The following MEGF11 variants were observed in gnomAD, a reference collection of about 807,000 sequenced individuals.
The protein encoded by MEGF11 is multiple EGF like domains 11.
Under a neutral mutation model 146.6 loss-of-function variants are expected in MEGF11, and 126 were observed. That is an observed-to-expected ratio of 0.86 (90% CI 0.74 to 1.00). MEGF11 has a LOEUF of 1.00. Ranked by LOEUF, MEGF11 falls within the 50% of genes least tolerant of loss-of-function variation. The probability of loss-of-function intolerance (pLI) is 0.00; values close to 1 mark genes in which losing one functional copy is unlikely to be tolerated. For synonymous variants in MEGF11, 532 were observed against 583.4 expected (o/e 0.91, Z 1.27); for missense variants, 1,509 against 1,521.2 (o/e 0.99, Z 0.13).
chr15:65,916,265 CTG>C lies in MEGF11; in HGVS notation c.2225_2226del (p.Ala742GlyfsTer20). 6.4e-7 allele frequency: 1 copy of C among 1,555,610 alleles called. No individual in the cohort carries two copies. Among genetic ancestry groups the C allele is most frequent in the Non-Finnish European group, 8.7e-7 (1 of 1,149,428 alleles). On this transcript the variant is annotated frameshift_variant, in exon 18 of 26. Coordinates refer to ENST00000395614, the MANE Select transcript of MEGF11 (RefSeq NM_001385028.1). LOFTEE classifies it high-confidence loss of function. ...CGCCCACAGTCCTTCCCAAAAAATG[CTG>C]CTGGGCAGCCTAGAGAAACAGGATT... Reference protein sequence around the residue: ...TGLFCTQRCPAAFFGKDCGRV... With the variant: ...TGLFCTQRCPXAFFGKDCGRV...
At chr15:66,214,847 T>G (rs910382626) in intron 1 of MEGF11, among the ~76,000 whole-genome samples, 1 of 151,560 alleles carries the variant, frequency 6.6e-6, no homozygotes, top group East Asian at 1.9e-4. Context: ...AGCTCAGAGC[T>G]GGAGAGAAAT....
chr15:66,086,640 C>T (rs1368996774), intron 5 of MEGF11, among the ~76,000 whole-genome samples: 1 of 152,212 alleles, frequency 6.6e-6, no homozygotes, highest in Admixed American at 6.5e-5. Flanking sequence ...CAAGCCACCA[C>T]TACAAGAACT....
intron 5 of MEGF11, among the ~76,000 whole-genome samples, chr15:66,050,002 G>A (rs1185693197): frequency 2.6e-5 from 4 of 152,238 alleles, no homozygotes; most frequent in Admixed American, 2.6e-4. Flanking sequence ...TGAGGATACA[G>A]TCAAGAATTA....
intron 10 of MEGF11, among the ~76,000 whole-genome samples, chr15:65,932,188 C>T (rs547755589): frequency 5.0e-4 from 76 of 152,270 alleles, no homozygotes; most frequent in Non-Finnish European, 9.6e-4. Context: ...TGAGATGACC[C>T]CTGGAGTTGT....
At chr15:66,238,910 C>T (rs1019062569) in intron 1 of MEGF11, among the ~76,000 whole-genome samples, 6 of 152,046 alleles carry the variant, frequency 3.9e-5, no homozygotes, top group Admixed American at 6.5e-5. Context: ...GCTTCCTCCA[C>T]GAGAATGGAA....
intron 5 of MEGF11, among the ~76,000 whole-genome samples, chr15:66,063,183 T>C (rs763730797): frequency 1.3e-5 from 2 of 152,202 alleles, no homozygotes; most frequent in Non-Finnish European, 2.9e-5. Flanking sequence ...CCTAGACAAA[T>C]TGATACTTTT....
intron 7 of MEGF11, among the ~76,000 whole-genome samples, chr15:65,974,474 G>C (rs1055887189): frequency 6.6e-6 from 1 of 152,234 alleles, no homozygotes; most frequent in Admixed American, 6.5e-5. Context: ...CCTGGCCAGC[G>C]AGGTGAAACT....
intron 4 of MEGF11, among the ~76,000 whole-genome samples, chr15:66,107,061 C>A (rs958580932): frequency 2.3e-5 from 2 of 88,474 alleles, no homozygotes; most frequent in Non-Finnish European, 4.8e-5. Flanking sequence ...CCTACCCCCC[C>A]ACCAGGTATA....
In MEGF11 at chr15:65,917,636, A is replaced by C. The variant is rs555236914; in HGVS notation, c.2086+330T>G. 7.2e-5 allele frequency among the ~76,000 whole-genome samples: 11 copies of C among 152,214 alleles called. No homozygotes were observed. The East Asian group carries it at 1.5e-3, about 21-fold the overall frequency. On this transcript the variant is annotated intron_variant, in intron 16 of 25. Transcript: ENST00000395614. ...GGCCTCATCTCACTTCCCTACTCCC[A>C]AACTCGAGCATGCTGTTGCACCACC...
At chr15:66,020,682 C>T (rs1374062513) in intron 5 of MEGF11, among the ~76,000 whole-genome samples, 2 of 152,130 alleles carry the variant, frequency 1.3e-5, no homozygotes, top group Non-Finnish European at 2.9e-5. Flanking sequence ...TCCCTCACTC[C>T]TGGAGATATC....
intron 1 of MEGF11, among the ~76,000 whole-genome samples, chr15:66,252,294 G>T (rs1295436769): frequency 6.6e-6 from 1 of 151,428 alleles, no homozygotes; most frequent in Non-Finnish European, 1.5e-5. Flanking sequence ...CCGGAGGGGC[G>T]CTGGTGCCGG....
chr15:66,184,234 C>T (rs1166199404), intron 1 of MEGF11, among the ~76,000 whole-genome samples: 1 of 151,988 alleles, frequency 6.6e-6, no homozygotes, highest in Non-Finnish European at 1.5e-5. Context: ...TCAATTATAC[C>T]TCCACAAAAC....
chr15:66,041,556 A>G (rs2083980090), intron 5 of MEGF11, among the ~76,000 whole-genome samples: 1 of 152,234 alleles, frequency 6.6e-6, no homozygotes, highest in Non-Finnish European at 1.5e-5. Context: ...CCTCTGGGTC[A>G]AACCCTGCCT....
chr15:65,997,917 G>A (rs2082249230), intron 5 of MEGF11, among the ~76,000 whole-genome samples: 1 of 152,172 alleles, frequency 6.6e-6, no homozygotes. Context: ...AGAATGAGAA[G>A]GAGATGGCCA....
At position 65,922,930 on chromosome 15, in the gene MEGF11, C is replaced by A; in HGVS notation, c.1715G>T (p.Gly572Val). The change falls in exon 14 of 26, where the codon GGC becomes GTC. Residue 572 changes from glycine to valine, a missense_variant. Coordinates refer to ENST00000395614, the MANE Select transcript of MEGF11 (RefSeq NM_001385028.1). ...CDSTCPPGRW[G>V]PNCSVSCSCE... Reference sequence around the variant, plus strand: ...GCTGCAGGAGACAGAGCAGTTGGGGCCCCAGCGGCCAGGTGGACACGTGCT... The same window carrying A: ...GCTGCAGGAGACAGAGCAGTTGGGGACCCAGCGGCCAGGTGGACACGTGCT... 6.2e-7 allele frequency: 1 copy of A among 1,613,036 alleles called. No individual in the cohort carries two copies. Among genetic ancestry groups the A allele is most frequent in the Admixed American group, 1.7e-5 (1 of 59,876 alleles).
At chr15:66,090,935 G>A (rs1017084508) in intron 5 of MEGF11, among the ~76,000 whole-genome samples, 1 of 152,200 alleles carries the variant, frequency 6.6e-6, no homozygotes, top group Non-Finnish European at 1.5e-5. Context: ...ATGGCAGGAA[G>A]GATAAGCACC....
In MEGF11 at chr15:66,196,430, C is replaced by G. The variant is rs2091011750; in HGVS notation, c.-9+57175G>C. 2.6e-5 allele frequency among the ~76,000 whole-genome samples: 4 copies of G among 152,184 alleles called. No homozygotes were observed. The South Asian group carries it at 8.3e-4, about 32-fold the overall frequency. On this transcript the variant is annotated intron_variant, in intron 1 of 25. Transcript: ENST00000395614. ...GAGGTTGCAGCGAGCTGAGATTATG[C>G]CACTGCACTCTAGCCTGGCAACAGA... is the stretch of plus-strand genomic sequence containing the variant.
intron 1 of MEGF11, among the ~76,000 whole-genome samples, chr15:66,129,357 A>C (rs1053765753): frequency 2.0e-5 from 3 of 152,226 alleles, no homozygotes; most frequent in Non-Finnish European, 4.4e-5. Flanking sequence ...GAGGAGCTGG[A>C]AATCACACGC....
chr15:66,025,735 C>G (rs2083306088), intron 5 of MEGF11, among the ~76,000 whole-genome samples: 1 of 152,116 alleles, frequency 6.6e-6, no homozygotes, highest in Non-Finnish European at 1.5e-5. Context: ...TTTGTTCAGC[C>G]CCCCGCCGAG....
Sources: gnomAD v4.1 joint callset for allele counts (sites outside exome capture counted in the v4.1 genomes callset) on GRCh38, gnomAD v4.1.1 for gene constraint, MANE v1.5 for transcripts, NCBI Gene and HGNC (gene_info 2026-07-23, HGNC 2026-07-21) for gene names.